RNF149: variants seen among roughly 807,000 people sequenced by gnomAD.
RNF149 encodes the protein ring finger protein 149.
RNF149 carries 21 observed loss-of-function variants against 39.0 expected under a neutral mutation model. The observed-to-expected ratio is 0.54, with a 90% CI of 0.38 to 0.77. RNF149 has a LOEUF of 0.77. RNF149 is among the 30% of genes least tolerant of loss of function. The pLI is 0.00. For synonymous variants in RNF149, 209 were observed against 213.6 expected (o/e 0.98, Z 0.19); for missense variants, 493 against 534.9 (o/e 0.92, Z 0.77).
intron 1 of RNF149, among the ~76,000 whole-genome samples, chr2:101,305,354 A>C (rs1186338164): frequency 6.6e-6 from 1 of 152,136 alleles, no homozygotes; most frequent in African/African-American, 2.4e-5. Flanking sequence ...AATGTGGCCA[A>C]ATTCTGTAAG....
intron 1 of RNF149, among the ~76,000 whole-genome samples, chr2:101,299,968 CTG>C (rs1440877686): frequency 8.5e-5 from 13 of 152,246 alleles, no homozygotes; most frequent in African/African-American, 3.1e-4. Flanking sequence ...GCAAAAATCA[CTG>C]TTATCCACTG....
At chr2:101,307,930 C>T in intron 1 of RNF149, 199 bp downstream of exon 1, 2 of 985,482 alleles carry the variant, frequency 2.0e-6, no homozygotes, top group Non-Finnish European at 2.4e-6. Context: ...CACATCTTGT[C>T]CGCAGACTTA....
At chr2:101,296,674 T>C (rs1044325409) in intron 1 of RNF149, among the ~76,000 whole-genome samples, 9 of 152,112 alleles carry the variant, frequency 5.9e-5, no homozygotes, top group Admixed American at 5.2e-4. Flanking sequence ...CGGGGGAAGC[T>C]GCATCCATTT....
rs147601488 is a variant in RNF149 at position 101,295,168 on chromosome 2, T to C, written c.474A>G (p.Ile158Met). Residue 158 changes from isoleucine (I) to methionine (M), a missense_variant, in exon 2 of 7, where the codon ATA becomes ATG. Coordinates refer to ENST00000295317, the MANE Select transcript of RNF149 (RefSeq NM_173647.4). ...TTGGATAGCTAATCATAATGACCAC[T>C]ATATTTCCTGTTCCTGTAGGAAAGA... Reference protein sequence around the residue: ...LPMSHAGTGNIVVIMISYPKG... With the variant: ...LPMSHAGTGNMVVIMISYPKG... The C allele has an allele frequency of 3.7e-5, 59 of 1,613,246 alleles. 1 individual carries two copies. The African/African-American group carries it at 7.1e-4, about 19-fold the overall frequency.
downstream of RNF149, chr2:101,273,079 CTG>C (rs766764214): frequency 6.6e-6 from 9 of 1,360,470 alleles, no homozygotes; most frequent in African/African-American, 5.9e-5. Context: ...CTGGGAAAGG[CTG>C]TGTGTTCAGG....
At chr2:101,273,813 ATCAC>A (rs1260655645), downstream of RNF149, among the ~76,000 whole-genome samples, 2 of 152,152 alleles carry the variant, frequency 1.3e-5, no homozygotes, top group Non-Finnish European at 2.9e-5. Context: ...TAAAAAAACT[ATCAC>A]TGAAAACTTT....
intron 1 of RNF149, among the ~76,000 whole-genome samples, chr2:101,302,794 C>T (rs540603965): frequency 1.1e-4 from 17 of 152,166 alleles, no homozygotes; most frequent in African/African-American, 3.9e-4. Flanking sequence ...AGCCGGGCAA[C>T]ACACGGAGAC....
downstream of RNF149, chr2:101,273,206 C>T (rs895288792): frequency 5.8e-6 from 6 of 1,039,690 alleles, no homozygotes; most frequent in African/African-American, 5.0e-5. Flanking sequence ...GTCCAGACAC[C>T]GAGGAGCCGA....
At chr2:101,274,788 T>C (rs1483847247), downstream of RNF149, among the ~76,000 whole-genome samples, 2 of 152,214 alleles carry the variant, frequency 1.3e-5, no homozygotes, top group African/African-American at 4.8e-5. Flanking sequence ...CATTTCTTTC[T>C]TTCTTTTTTC....
At chr2:101,284,458 G>A (rs1287763306) in intron 5 of RNF149, among the ~76,000 whole-genome samples, 3 of 152,152 alleles carry the variant, frequency 2.0e-5, no homozygotes, top group African/African-American at 7.2e-5. Context: ...GAGTGCAGGT[G>A]TAATCTCAGC....
intron 3 of RNF149, among the ~76,000 whole-genome samples, chr2:101,290,951 ACAGGATTCTCTTTCC>A (rs1470447684): frequency 6.6e-6 from 1 of 152,200 alleles, no homozygotes; most frequent in African/African-American, 2.4e-5. Context: ...AGATAGGCCA[ACAGGATTCTCTTTCC>A]CAGGATGCTG....
chr2:101,300,338 T>A (rs1163007206), intron 1 of RNF149, among the ~76,000 whole-genome samples: 1 of 152,052 alleles, frequency 6.6e-6, no homozygotes, highest in African/African-American at 2.4e-5. Flanking sequence ...GAAGATTAAC[T>A]GAGATTTAAA....
chr2:101,291,396 G>A (rs1683004571), intron 3 of RNF149, among the ~76,000 whole-genome samples: 1 of 151,538 alleles, frequency 6.6e-6, no homozygotes, highest in Admixed American at 6.6e-5. Flanking sequence ...TGATCCACCC[G>A]CCTCGGCCTC....
At chr2:101,273,302 A>G, downstream of RNF149, 1 of 474,992 alleles carries the variant, frequency 2.1e-6, no homozygotes, top group Non-Finnish European at 4.3e-6. Flanking sequence ...CGGTTTCCAC[A>G]GTTAAATACT....
downstream of RNF149, chr2:101,272,834 A>T (rs1417693371): frequency 2.8e-6 from 2 of 709,694 alleles, no homozygotes; most frequent in Non-Finnish European, 4.3e-6. Flanking sequence ...GTATATGGGG[A>T]CAATCACCTA....
downstream of RNF149, chr2:101,273,435 C>T (rs1682213664): frequency 9.3e-6 from 4 of 427,922 alleles, no homozygotes; most frequent in East Asian, 2.1e-4. Context: ...TGCATCTTAT[C>T]AACTTAAAAC....
Position 101,304,110 on chromosome 2 carries a change from T to C in RNF149, c.460+4019A>G, listed in dbSNP as rs541711231. Among the ~76,000 whole-genome samples the C allele has an allele frequency of 9.2e-5, 14 of 152,332 alleles. No individual in the cohort carries two copies. The South Asian group carries it at 1.9e-3, about 20-fold the overall frequency. On this transcript the variant is annotated intron_variant, in intron 1 of 6. Coordinates refer to ENST00000295317, the MANE Select transcript of RNF149 (RefSeq NM_173647.4). ...ATACTTTTGCAATACCTGCATTAAA[T>C]CCCTTTCCTTAGACAGGTGTGGTGG... is the stretch of plus-strand genomic sequence containing the variant.
chr2:101,308,564 T>C lies in RNF149; in HGVS notation c.25A>G (p.Ser9Gly), dbSNP rs11123868. MAWRRREA[S>G]VGARGVLALA... Reference sequence around the variant, plus strand: ...GCCAACACGCCGCGAGCCCCGACGCTGGCTTCGCGCCGCCGCCACGCCATG... The same window carrying C: ...GCCAACACGCCGCGAGCCCCGACGCCGGCTTCGCGCCGCCGCCACGCCATG... Residue 9 changes from serine (S) to glycine (G), a missense_variant, in exon 1 of 7, where the codon AGC becomes GGC. Physicochemically the swap from Ser to Gly is moderately conservative, Grantham distance 56. Transcript: ENST00000295317. 648,383 of 1,572,336 alleles carry C rather than the reference T, an allele frequency of 0.41. 138,441 individuals are homozygous for C. Among genetic ancestry groups the C allele is most frequent in the African/African-American group, 0.72 (51,835 of 72,016 alleles).
chr2:101,288,949 TCTC>T (rs1682897916), intron 4 of RNF149, 21 bp downstream of exon 4: 2 of 1,207,596 alleles, frequency 1.7e-6, no homozygotes, highest in Non-Finnish European at 2.4e-6. Context: ...ATTTTTAACA[TCTC>T]AATATGTAAA....
Sources: allele counts gnomAD v4.1 joint callset (sites outside exome capture counted in the v4.1 genomes callset), GRCh38; gene constraint gnomAD v4.1.1; transcripts MANE v1.5; gene names NCBI Gene and HGNC (gene_info 2026-07-23, HGNC 2026-07-21).